CDH13: variants seen among roughly 807,000 people sequenced by gnomAD.
CDH13 encodes cadherin 13, also known as cadherin-13.
Under a neutral mutation model 63.8 loss-of-function variants are expected in CDH13, and 24 were observed. That is an observed-to-expected ratio of 0.38 (90% confidence interval 0.27 to 0.53). The LOEUF (loss-of-function observed/expected upper bound fraction) is 0.53. CDH13 is among the 20% of genes least tolerant of loss of function. CDH13 has a pLI of 0.85. For synonymous variants in CDH13, 503 were observed against 355.3 expected (o/e 1.42, Z -4.67); for missense variants, 1,049 against 903.1 (o/e 1.16, Z -2.07).
chr16:82,934,984 C>G (rs1438122448), intron 2 of CDH13, among the ~76,000 whole-genome samples: 2 of 152,218 alleles, frequency 1.3e-5, no homozygotes. Flanking sequence ...GTTCCAAAGT[C>G]ACTTCCACAT....
At chr16:82,840,499 A>G (rs2038960919) in intron 1 of CDH13, among the ~76,000 whole-genome samples, 1 of 151,916 alleles carries the variant, frequency 6.6e-6, no homozygotes. Flanking sequence ...CCTGACCAAC[A>G]TGGTGAAACC....
Position 83,057,456 on chromosome 16 carries a change from C to T in CDH13, c.366+25238C>T, listed in dbSNP as rs79147766. ...ACCAAACTGTACACTTACACTTTTG[C>T]AGTTTAATATATGAATGATACATGT... On this transcript the variant is annotated intron_variant, in intron 3 of 13. Transcript: ENST00000567109. 8.6e-3 allele frequency among the ~76,000 whole-genome samples: 1,307 copies of T among 152,166 alleles called. 16 individuals are homozygous for T. Among genetic ancestry groups the T allele is most frequent in the African/African-American group, 0.03 (1,241 of 41,486 alleles).
At chr16:83,157,054 C>G (rs565921534) in intron 4 of CDH13, among the ~76,000 whole-genome samples, 2 of 152,304 alleles carry the variant, frequency 1.3e-5, no homozygotes, top group South Asian at 2.1e-4. Context: ...TTCCAGAACT[C>G]CAATGACGTC....
chr16:83,174,342 ACTAT>A (rs1439358414), intron 4 of CDH13, among the ~76,000 whole-genome samples: 1 of 152,076 alleles, frequency 6.6e-6, no homozygotes, highest in East Asian at 1.9e-4. Context: ...CTTACTTGGC[ACTAT>A]CTTTTTTTTC....
Position 83,721,474 on chromosome 16 carries a change from G to A in CDH13, c.1539-26634G>A, listed in dbSNP as rs1598581312. 2.0e-5 allele frequency: 3 copies of A among 152,342 alleles called. No homozygotes were observed. In the South Asian group the frequency reaches 6.2e-4, roughly 32 times the overall value. The allele number at this position is 152,342 out of a possible 1,614,324, so 9.4% of individuals were successfully genotyped here. ...TTCTTGTAAGGCTGCCATTGGGTCT[G>A]AGACCCCAGAGGAGCAGTGCGCTGC... On this transcript the variant is annotated intron_variant, in intron 10 of 13. Coordinates refer to ENST00000567109, the MANE Select transcript of CDH13 (RefSeq NM_001257.5).
At chr16:82,721,153 A>T (rs1450351955) in intron 1 of CDH13, among the ~76,000 whole-genome samples, 1 of 152,180 alleles carries the variant, frequency 6.6e-6, no homozygotes, top group African/African-American at 2.4e-5. Flanking sequence ...TTCATTGAGC[A>T]CCTACAGTGT....
intron 10 of CDH13, among the ~76,000 whole-genome samples, chr16:83,713,454 G>A (rs1013878856): frequency 6.6e-6 from 1 of 151,868 alleles, no homozygotes; most frequent in African/African-American, 2.4e-5. Context: ...ATTTTGAAGG[G>A]GGAAAACACG....
rs202230797 is a variant in CDH13 at position 83,624,338 on chromosome 16, G to GC, written c.1101+21749dup. On this transcript the variant is annotated intron_variant, in intron 8 of 13. Coordinates refer to ENST00000567109, the MANE Select transcript of CDH13 (RefSeq NM_001257.5). ...GATTCCCAGGAAATGATGAGATAAC[G>GC]CCCCCACCCCTGCCCCAGGTCAGCA... Among the ~76,000 whole-genome samples, 473 of 144,948 alleles carry GC rather than the reference G, an allele frequency of 3.3e-3. 7 individuals carry two copies. Among genetic ancestry groups the GC allele is most frequent in the Admixed American group, 0.011 (159 of 14,378 alleles).
intron 7 of CDH13, among the ~76,000 whole-genome samples, chr16:83,573,587 C>G (rs898002014): frequency 2.0e-5 from 3 of 152,104 alleles, no homozygotes; most frequent in Non-Finnish European, 4.4e-5. Context: ...ACAAAGGGGC[C>G]TATGCACAGT....
At chr16:83,708,276 G>A (rs764202887) in intron 10 of CDH13, among the ~76,000 whole-genome samples, 27 of 152,238 alleles carry the variant, frequency 1.8e-4, no homozygotes, top group Non-Finnish European at 3.8e-4. Context: ...GTAAGGGACA[G>A]TCAACCAGAC....
chr16:83,587,730 C>T (rs1906306667), intron 7 of CDH13, among the ~76,000 whole-genome samples: 1 of 152,062 alleles, frequency 6.6e-6, no homozygotes, highest in African/African-American at 2.4e-5. Context: ...CACCATAAAA[C>T]GTATTATCTT....
intron 5 of CDH13, among the ~76,000 whole-genome samples, chr16:83,301,866 G>T (rs1276993157): frequency 6.6e-6 from 1 of 151,760 alleles, no homozygotes; most frequent in African/African-American, 2.4e-5. Flanking sequence ...AAAGAAATAG[G>T]CAGGGAGAGG....
intron 1 of CDH13, among the ~76,000 whole-genome samples, chr16:82,668,917 C>G (rs1402046075): frequency 6.6e-6 from 1 of 152,180 alleles, no homozygotes. Context: ...TGAGTTTACC[C>G]CTGTGTAAAG....
At chr16:83,707,448 C>G (rs750251882) in intron 10 of CDH13, among the ~76,000 whole-genome samples, 8 of 152,204 alleles carry the variant, frequency 5.3e-5, no homozygotes, top group Non-Finnish European at 1.2e-4. Flanking sequence ...TCTCTGTGTA[C>G]TGTCATTCAC....
intron 11 of CDH13, among the ~76,000 whole-genome samples, chr16:83,748,617 C>T (rs878925887): frequency 1.3e-5 from 2 of 152,138 alleles, no homozygotes; most frequent in Admixed American, 1.3e-4. Flanking sequence ...TCCCAGAGGA[C>T]ATCACTGACC....
chr16:82,898,385 C>T (rs565882536), intron 2 of CDH13, among the ~76,000 whole-genome samples: 43 of 152,284 alleles, frequency 2.8e-4, no homozygotes, highest in African/African-American at 6.7e-4. Flanking sequence ...GTTAGCCGGG[C>T]ATGCTGGCAT....
rs1907954645 is a variant in CDH13 at position 83,602,582 on chromosome 16, C to T, written c.1089C>T (p.Phe363=). ...ACAAAAATGATCACTCACCAAAATT[C>T]ACCAAGAAAGAGGTAAACCCCTGTG... is the stretch of plus-strand genomic sequence containing the variant. ...IDDKNDHSPK[F]TKKEFQATVE... The change falls in exon 8 of 14, where the codon TTC becomes TTT. Residue 363 remains phenylalanine, a synonymous_variant. Transcript: ENST00000567109. 5.0e-6 allele frequency: 8 copies of T among 1,613,886 alleles called. No homozygotes were observed. The highest frequency in any genetic ancestry group is 1.3e-5 in the African/African-American group (1 of 74,930).
At chr16:82,790,056 G>A (rs1201487567) in intron 1 of CDH13, among the ~76,000 whole-genome samples, 1 of 152,126 alleles carries the variant, frequency 6.6e-6, no homozygotes, top group Non-Finnish European at 1.5e-5. Flanking sequence ...TGGTGCTATA[G>A]GGGGGTGCTG....
At chr16:83,779,881 A>C in intron 11 of CDH13, 87 bp from the exon 12 acceptor site, 1 of 856,972 alleles carries the variant, frequency 1.2e-6, no homozygotes, top group South Asian at 1.8e-5. Flanking sequence ...ACTGCAAAAT[A>C]TACTAAGTTT....
Sources: gnomAD v4.1 joint callset for allele counts (sites outside exome capture counted in the v4.1 genomes callset) on GRCh38, gnomAD v4.1.1 for gene constraint, MANE v1.5 for transcripts, NCBI Gene and HGNC (gene_info 2026-07-23, HGNC 2026-07-21) for gene names.